The following CFAP92 variants were observed in gnomAD, a reference collection of about 807,000 sequenced individuals.
The protein encoded by CFAP92 is uncharacterized protein CFAP92.
A neutral mutation model predicts 106.3 loss-of-function variants in CFAP92; 86 were observed. The observed-to-expected ratio is 0.81, with a 90% CI of 0.68 to 0.97. CFAP92 has a LOEUF of 0.97. Among genes scored for constraint, CFAP92 ranks in the 50% least tolerant of loss-of-function variants. The pLI is 0.00. For synonymous variants in CFAP92, 477 were observed against 506.4 expected, an observed-to-expected ratio of 0.94 and a Z score of 0.78; for missense variants, 1,204 against 1,283.8, an observed-to-expected ratio of 0.94 and a Z score of 0.95.
At chr3:128,951,841 C>T (rs560898421) in intron 9 of CFAP92, among the ~76,000 whole-genome samples, 1 of 152,292 alleles carries the variant, frequency 6.6e-6, no homozygotes, top group East Asian at 1.9e-4. Context: ...TAACTTGGTG[C>T]TCCTTACCTC....
At chr3:128,960,686 C>CT (rs1289688372) in intron 9 of CFAP92, among the ~76,000 whole-genome samples, 1 of 152,252 alleles carries the variant, frequency 6.6e-6, no homozygotes, top group Middle Eastern at 3.2e-3. Flanking sequence ...TGCCTTGGTC[C>CT]TTCACCCTTA....
chr3:128,941,499 C>G (rs1474031369), intron 10 of CFAP92, among the ~76,000 whole-genome samples: 6 of 152,068 alleles, frequency 3.9e-5, no homozygotes, highest in Non-Finnish European at 8.8e-5. Flanking sequence ...TATTTTGAGA[C>G]AGAGTCTCAC....
chr3:128,946,003 C>T (rs1346301923), intron 9 of CFAP92, 28 bp from the exon 10 acceptor site: 1 of 1,400,214 alleles, frequency 7.1e-7, no homozygotes, highest in Admixed American at 3.2e-5. Context: ...CACAGCAGGT[C>T]ACCCAGCCAC....
upstream of CFAP92, among the ~76,000 whole-genome samples, chr3:128,997,601 T>C (rs1249677596): frequency 1.3e-5 from 2 of 152,148 alleles, no homozygotes; most frequent in East Asian, 3.9e-4. Context: ...CCTACCGTTA[T>C]GTTTCCAAGG....
rs548405278 is a variant in CFAP92 at position 128,910,124 on chromosome 3, T to C, written c.*175A>G. The C allele has an allele frequency of 2.6e-5, 42 of 1,614,050 alleles. 1 individual carries two copies. Among genetic ancestry groups the C allele is most frequent in the South Asian group, 2.0e-4 (18 of 91,058 alleles). On this transcript the variant is annotated 3_prime_UTR_variant, in exon 16 of 16. Transcript: ENST00000645291. ...TCGCGGGCCAGCCGCTCCATCCGCA[T>C]TGGGCTCCGCAACCACGACCACGAG...
In CFAP92 at chr3:128,993,327, G is replaced by A; in HGVS notation, c.-23C>T. 3 of 1,600,930 alleles carry A rather than the reference G, an allele frequency of 1.9e-6. No homozygotes were observed. Among genetic ancestry groups the A allele is most frequent in the East Asian group, 2.3e-5 (1 of 44,300 alleles). On this transcript the variant is annotated 5_prime_UTR_variant, in exon 2 of 16. Coordinates refer to ENST00000645291, the MANE Select transcript of CFAP92 (RefSeq NM_001394090.1). ...CATGCTGCAGAGCGCACTGCTGGCC[G>A]CCGGCGCTCCTGGCAGGGAGAAAGT...
intron 15 of CFAP92, among the ~76,000 whole-genome samples, chr3:128,911,472 C>T (rs999773331): frequency 2.0e-5 from 3 of 151,840 alleles, no homozygotes; most frequent in African/African-American, 7.3e-5. Flanking sequence ...CTCACTTTGT[C>T]ACCCAGGCTG....
At chr3:129,001,017 T>C (rs887673569) in intron 1 of CFAP92, among the ~76,000 whole-genome samples, 1 of 152,242 alleles carries the variant, frequency 6.6e-6, no homozygotes, top group Non-Finnish European at 1.5e-5. Flanking sequence ...AGTAGCTGAA[T>C]TGAAGCGGAG....
At chr3:128,957,723 C>T (rs536651715) in intron 9 of CFAP92, among the ~76,000 whole-genome samples, 93 of 152,316 alleles carry the variant, frequency 6.1e-4, no homozygotes, top group African/African-American at 2.2e-3. Flanking sequence ...GACCAAACTA[C>T]ATGCAAGGCC....
the CFAP92 span, among the ~76,000 whole-genome samples, chr3:129,016,980 A>G: frequency 6.6e-6 from 1 of 152,326 alleles, no homozygotes. Context: ...TTGGCAGTTC[A>G]GTAAAGTTTT....
At chr3:128,949,038 G>A (rs1029878593) in intron 9 of CFAP92, among the ~76,000 whole-genome samples, 2 of 152,162 alleles carry the variant, frequency 1.3e-5, no homozygotes, top group African/African-American at 4.8e-5. Flanking sequence ...TCTTAGACTG[G>A]CTAAACTTAA....
chr3:128,971,169 G>C (rs1432674417), intron 8 of CFAP92, 118 bp downstream of exon 8: 90 of 1,508,954 alleles, frequency 6.0e-5, no homozygotes, highest in Non-Finnish European at 7.9e-5. Flanking sequence ...TTCCTGAGGT[G>C]GCTGTGAGGA....
intron 10 of CFAP92, among the ~76,000 whole-genome samples, chr3:128,939,004 C>T (rs542223463): frequency 3.3e-5 from 5 of 152,300 alleles, no homozygotes; most frequent in Admixed American, 1.3e-4. Context: ...TCAAAAATCA[C>T]GTCTATTTTC....
chr3:128,978,962 A>C (rs1026205893), intron 4 of CFAP92, among the ~76,000 whole-genome samples: 16 of 152,350 alleles, frequency 1.1e-4, no homozygotes, highest in Admixed American at 1.3e-4. Flanking sequence ...AATGGGATCT[A>C]ATTAAACTAA....
At chr3:128,960,300 C>T (rs1941792207) in intron 9 of CFAP92, among the ~76,000 whole-genome samples, 1 of 152,226 alleles carries the variant, frequency 6.6e-6, no homozygotes, top group Admixed American at 6.5e-5. Flanking sequence ...AGATCAATCC[C>T]CCGTCCTCCT....
intron 10 of CFAP92, among the ~76,000 whole-genome samples, chr3:128,937,590 C>T (rs935390364): frequency 1.7e-4 from 25 of 143,194 alleles, no homozygotes; most frequent in Non-Finnish European, 3.2e-4. Context: ...GGCGACAGAG[C>T]GAGACTCCAT....
chr3:129,021,976 T>C, the CFAP92 span, among the ~76,000 whole-genome samples: 26 of 152,068 alleles, frequency 1.7e-4, no homozygotes, highest in African/African-American at 6.3e-4. Context: ...AGGGCGTCAG[T>C]GTGTTAGGGT....
Position 128,910,326 on chromosome 3 carries a change from C to A in CFAP92, c.3288G>T (p.Lys1096Asn). The change falls in exon 16 of 16, where the codon AAG becomes AAT. Residue 1096 changes from lysine (K) to asparagine (N), a missense_variant. Coordinates refer to ENST00000645291, the MANE Select transcript of CFAP92 (RefSeq NM_001394090.1). Reference protein sequence around the residue: ...SPAPKPVTVRKKKGNSPIS With the variant: ...SPAPKPVTVRNKKGNSPIS ...AGGAGATGGGGCTGTTCCCTTTCTT[C>A]TTCCTGACTGAGAGAAGAGGGGGTG... is the stretch of plus-strand genomic sequence containing the variant. 1 of 1,475,974 alleles carries A rather than the reference C, an allele frequency of 6.8e-7. No homozygotes were observed. The highest frequency in any genetic ancestry group is 2.5e-5 in the East Asian group (1 of 40,356). 91.4% of individuals were successfully genotyped at this position (1,475,974 alleles called of 1,614,324 possible). A position where few individuals can be genotyped will look rare whatever the true frequency, so the allele number is the denominator to read the frequency against.
At chr3:128,990,471 T>C (rs896764092) in intron 2 of CFAP92, among the ~76,000 whole-genome samples, 4 of 152,148 alleles carry the variant, frequency 2.6e-5, no homozygotes, top group Non-Finnish European at 5.9e-5. Context: ...TACTCCAGCC[T>C]GGGTGACAGA....
Sources: allele counts gnomAD v4.1 joint callset (sites outside exome capture counted in the v4.1 genomes callset), GRCh38; gene constraint gnomAD v4.1.1; transcripts MANE v1.5; gene names NCBI Gene and HGNC (gene_info 2026-07-23, HGNC 2026-07-21).